The following C3orf33 variants were observed in gnomAD, a reference collection of about 807,000 sequenced individuals.
C3orf33 encodes mitochondrial inner membrane subdomain organizer 1.
In C3orf33, 23 loss-of-function variants were observed where a neutral mutation model predicts 28.7. That is an observed-to-expected ratio of 0.80 (90% confidence interval 0.58 to 1.13). The LOEUF is 1.13. C3orf33 is among the 50% of genes most tolerant of loss of function. The pLI, the probability that C3orf33 is intolerant of heterozygous loss-of-function variation, is 0.00. For missense variants in C3orf33, 327 were observed against 353.4 expected (o/e 0.93, Z 0.60); for synonymous variants, 119 against 120.5 (o/e 0.99, Z 0.08).
intron 3 of C3orf33, among the ~76,000 whole-genome samples, chr3:155,774,666 C>CTTTTTTTTTTTTTT: frequency 1.0e-5 from 1 of 95,250 alleles, no homozygotes; most frequent in Non-Finnish European, 2.1e-5. Context: ...TATTGTTTTG[C>CTTTTTTTTTTTTTT]TTTTTTTTTT....
chr3:155,793,374 T>TAAAAAAAAA (rs1413693772), intron 2 of C3orf33, among the ~76,000 whole-genome samples: 1 of 108,620 alleles, frequency 9.2e-6, no homozygotes, highest in Non-Finnish European at 2.1e-5. Flanking sequence ...TCAATCTGAT[T>TAAAAAAAAA]AAAAAAAAAA....
intron 2 of C3orf33, among the ~76,000 whole-genome samples, chr3:155,780,791 C>A (rs1559992851): frequency 6.6e-6 from 1 of 152,148 alleles, no homozygotes; most frequent in Non-Finnish European, 1.5e-5. Context: ...CTGAAGGCTT[C>A]TGGGAAAAAC....
intron 3 of C3orf33, among the ~76,000 whole-genome samples, chr3:155,775,367 T>C (rs2109257831): frequency 6.6e-6 from 1 of 152,094 alleles, no homozygotes; most frequent in South Asian, 2.1e-4. Flanking sequence ...TGCATGACTG[T>C]AATCCTAGCT....
intron 2 of C3orf33, among the ~76,000 whole-genome samples, chr3:155,790,976 C>T (rs1026172292): frequency 1.3e-5 from 2 of 152,192 alleles, no homozygotes; most frequent in South Asian, 2.1e-4. Context: ...CCCAGTGAGA[C>T]ATCAATGAGG....
At chr3:155,775,680 T>C in intron 3 of C3orf33, 21 bp downstream of exon 3, 1 of 1,449,396 alleles carries the variant, frequency 6.9e-7, no homozygotes, top group Non-Finnish European at 9.4e-7. Flanking sequence ...GTTAGTTTCA[T>C]TAATCTTGTA....
chr3:155,763,573 A>C lies in C3orf33; in HGVS notation c.829T>G (p.Leu277Val). Residue 277 changes from leucine (L) to valine (V), a missense_variant, in exon 5 of 5, where the codon TTA becomes GTA. Physicochemically the swap from Leu to Val is conservative, Grantham distance 32. Coordinates refer to ENST00000340171, the MANE Select transcript of C3orf33 (RefSeq NM_001308229.2). Reference protein sequence around the residue: ...IWKDNMNNCSLILKFRELISR... With the variant: ...IWKDNMNNCSVILKFRELISR... ...ATAAGTTCTCTGAACTTCAGTATTAAGGAGCAGTTGTTCATGTTGTCTTTC... is the reference window on the plus strand; with the variant it reads ...ATAAGTTCTCTGAACTTCAGTATTACGGAGCAGTTGTTCATGTTGTCTTTC... 6.4e-7 allele frequency: 1 copy of C among 1,569,058 alleles called. No homozygotes were observed. Among genetic ancestry groups the C allele is most frequent in the Non-Finnish European group, 8.6e-7 (1 of 1,167,788 alleles).
chr3:155,804,465 T>C (rs1424611952), intron 1 of C3orf33, among the ~76,000 whole-genome samples: 1 of 152,246 alleles, frequency 6.6e-6, no homozygotes, highest in Non-Finnish European at 1.5e-5. Context: ...GAACTGGGGC[T>C]ACAATGATGA....
chr3:155,771,633 G>A (rs1338124303), intron 3 of C3orf33, among the ~76,000 whole-genome samples: 2 of 152,150 alleles, frequency 1.3e-5, no homozygotes, highest in African/African-American at 4.8e-5. Context: ...TTGGGCTCAA[G>A]GGATCCTCCT....
At position 155,775,707 on chromosome 3, in the gene C3orf33, A is replaced by G. The variant is rs1421549609; in HGVS notation, c.316T>C (p.Leu106=). Residue 106 remains leucine (L), a synonymous_variant, in exon 3 of 5, where the codon TTG becomes CTG. Coordinates refer to ENST00000340171, the MANE Select transcript of C3orf33 (RefSeq NM_001308229.2). ...AATCTTGTACCTTACTTACTTCTCAATGAAGCTATAATAGGTAAAGTAATA... is the reference window on the plus strand; with the variant it reads ...AATCTTGTACCTTACTTACTTCTCAGTGAAGCTATAATAGGTAAAGTAATA... ...IPITLPIIAS[L]RKEPRGALLV... 4 of 1,533,098 alleles carry G rather than the reference A, an allele frequency of 2.6e-6. No individual in the cohort carries two copies. Among genetic ancestry groups the G allele is most frequent in the Admixed American group, 1.9e-5 (1 of 53,336 alleles). The allele number at this position is 1,533,098 out of a possible 1,614,324, so 95.0% of individuals were successfully genotyped here. A position where few individuals can be genotyped will look rare whatever the true frequency, so the allele number is the denominator to read the frequency against.
intron 2 of C3orf33, among the ~76,000 whole-genome samples, chr3:155,797,549 G>GA (rs562083992): frequency 4.1e-4 from 63 of 152,100 alleles, no homozygotes; most frequent in African/African-American, 1.3e-3. Context: ...ATCTGTATTC[G>GA]AAAAAACCTA....
intron 2 of C3orf33, among the ~76,000 whole-genome samples, chr3:155,796,949 G>C (rs1322977503): frequency 6.6e-6 from 1 of 152,188 alleles, no homozygotes. Context: ...CCAGTACTTT[G>C]GGAGGCCAAG....
chr3:155,767,494 C>A lies in C3orf33; in HGVS notation c.483+15G>T. On this transcript the variant is annotated intron_variant, in intron 4 of 4. Coordinates refer to ENST00000340171, the MANE Select transcript of C3orf33 (RefSeq NM_001308229.2). The stretch of plus-strand genomic sequence containing the variant: ...AAGAATAAGATATTGCTAGTTATTT[C>A]TTCACATTGCTTACCTTACTCACCA... 3 of 1,490,242 alleles carry A rather than the reference C, an allele frequency of 2.0e-6. No individual in the cohort carries two copies. Among genetic ancestry groups the A allele is most frequent in the East Asian group, 2.4e-5 (1 of 42,148 alleles). 92.3% of individuals were successfully genotyped at this position (1,490,242 alleles called of 1,614,324 possible). A position where few individuals can be genotyped will look rare whatever the true frequency, so the allele number is the denominator to read the frequency against.
Position 155,763,110 on chromosome 3 carries a change from C to T in C3orf33, c.*407G>A. The stretch of plus-strand genomic sequence containing the variant: ...CCAGGAAGCAGGAGGTTGCAGTGAG[C>T]CAAGATCACGCCATTGCACTCCAGC... On this transcript the variant is annotated 3_prime_UTR_variant, in exon 5 of 5. Coordinates refer to ENST00000340171, the MANE Select transcript of C3orf33 (RefSeq NM_001308229.2). The T allele has an allele frequency of 6.5e-6, 1 of 153,816 alleles. No homozygotes were observed. The highest frequency in any genetic ancestry group is 1.4e-5 in the Non-Finnish European group (1 of 69,326). 9.5% of individuals were successfully genotyped at this position (153,816 alleles called of 1,614,324 possible). A position where few individuals can be genotyped will look rare whatever the true frequency, so the allele number is the denominator to read the frequency against.
At chr3:155,798,547 TG>T (rs1441041611) in intron 2 of C3orf33, among the ~76,000 whole-genome samples, 2 of 152,302 alleles carry the variant, frequency 1.3e-5, no homozygotes, top group East Asian at 3.9e-4. Flanking sequence ...TAACTGATGC[TG>T]GGAATACTGG....
intron 3 of C3orf33, among the ~76,000 whole-genome samples, chr3:155,769,090 A>C (rs1020161369): frequency 2.0e-5 from 3 of 152,158 alleles, no homozygotes; most frequent in African/African-American, 7.2e-5. Flanking sequence ...AGGCAGGTGG[A>C]TCACCTGAGG....
chr3:155,764,527 T>C (rs1253897833), intron 4 of C3orf33, among the ~76,000 whole-genome samples: 1 of 150,930 alleles, frequency 6.6e-6, no homozygotes, highest in African/African-American at 2.5e-5. Flanking sequence ...ACTGGATAAA[T>C]GGGATTTTTT....
intron 3 of C3orf33, among the ~76,000 whole-genome samples, chr3:155,773,839 C>T (rs1204514273): frequency 6.6e-6 from 1 of 152,206 alleles, no homozygotes; most frequent in Non-Finnish European, 1.5e-5. Flanking sequence ...GCTAAAGGAC[C>T]TGTGAAGTGT....
intron 2 of C3orf33, among the ~76,000 whole-genome samples, chr3:155,778,984 T>G (rs1384317536): frequency 6.6e-6 from 1 of 152,098 alleles, no homozygotes; most frequent in African/African-American, 2.4e-5. Flanking sequence ...AATAATGAAC[T>G]AAATTGTAAA....
At chr3:155,799,151 C>A (rs569797087) in intron 2 of C3orf33, among the ~76,000 whole-genome samples, 3 of 152,200 alleles carry the variant, frequency 2.0e-5, no homozygotes, top group South Asian at 2.1e-4. Flanking sequence ...GAAAAGGAAA[C>A]CTTCGTACAC....
Sources: gnomAD v4.1 joint callset for allele counts (sites outside exome capture counted in the v4.1 genomes callset) on GRCh38, gnomAD v4.1.1 for gene constraint, MANE v1.5 for transcripts, NCBI Gene and HGNC (gene_info 2026-07-23, HGNC 2026-07-21) for gene names.